Variants in GANC observed in about 807,000 individuals in gnomAD.
GANC encodes glucosidase alpha, neutral C.
Under a neutral mutation model 124.2 loss-of-function variants are expected in GANC, and 117 were observed. The ratio of observed to expected loss-of-function variants is 0.94; its 90% CI spans 0.81 to 1.10. GANC has a LOEUF of 1.10. GANC is among the 50% of genes least tolerant of loss of function. GANC has a pLI of 0.00. For missense variants in GANC, 1,140 were observed against 1,095.0 expected, an observed-to-expected ratio of 1.04 and a Z score of -0.58; for synonymous variants, 377 against 376.8, an observed-to-expected ratio of 1.00 and a Z score of -0.01.
At chr15:42,284,716 A>T (rs1472315647) in intron 3 of GANC, among the ~76,000 whole-genome samples, 1 of 152,208 alleles carries the variant, frequency 6.6e-6, no homozygotes, top group African/African-American at 2.4e-5. Flanking sequence ...GTCATGGCAC[A>T]CTGTAACCTC....
At chr15:42,348,761 C>T (rs2052391202) in intron 21 of GANC, among the ~76,000 whole-genome samples, 1 of 152,190 alleles carries the variant, frequency 6.6e-6, no homozygotes, top group Admixed American at 6.5e-5. Flanking sequence ...CAAACACCAA[C>T]CCTTACTCTT....
chr15:42,316,400 A>G (rs2052102690), intron 10 of GANC, among the ~76,000 whole-genome samples: 1 of 152,130 alleles, frequency 6.6e-6, no homozygotes, highest in South Asian at 2.1e-4. Context: ...AGGGTAAGGA[A>G]GGTGAGTCGT....
chr15:42,330,928 C>T (rs974595534), intron 15 of GANC, among the ~76,000 whole-genome samples: 5 of 152,076 alleles, frequency 3.3e-5, no homozygotes, highest in African/African-American at 7.2e-5. Flanking sequence ...GCTGGGATTA[C>T]GGGTGCACAC....
intron 10 of GANC, among the ~76,000 whole-genome samples, chr15:42,320,082 G>A (rs941045211): frequency 2.6e-5 from 4 of 152,170 alleles, no homozygotes; most frequent in African/African-American, 4.8e-5. Context: ...TACTCGGGAG[G>A]CTGAGGCAGG....
chr15:42,296,184 T>C (rs1184570606), intron 5 of GANC, among the ~76,000 whole-genome samples: 3 of 151,878 alleles, frequency 2.0e-5, no homozygotes, highest in Non-Finnish European at 4.4e-5. Context: ...GCTTAGAGTA[T>C]TGATCCCTTT....
Position 42,353,013 on chromosome 15 carries a change from A to C in GANC, c.*874A>C. The C allele has an allele frequency of 1.3e-6, 1 of 741,508 alleles. No individual in the cohort carries two copies. The highest frequency in any genetic ancestry group is 1.6e-6 in the Non-Finnish European group (1 of 607,060). The allele number at this position is 741,508 out of a possible 1,614,324, so 45.9% of individuals were successfully genotyped here. A position where few individuals can be genotyped will look rare whatever the true frequency, so the allele number is the denominator to read the frequency against. Reference sequence around the variant, plus strand: ...TCAATCCAATATTTTTAAAAATCAGAATTAATGCAAAAAAAACCATGATGA... The same window carrying C: ...TCAATCCAATATTTTTAAAAATCAGCATTAATGCAAAAAAAACCATGATGA... On this transcript the variant is annotated 3_prime_UTR_variant, in exon 24 of 24. Coordinates refer to ENST00000318010, the MANE Select transcript of GANC (RefSeq NM_198141.3).
chr15:42,340,559 G>A, intron 17 of GANC, 131 bp from the exon 18 acceptor site: 2 of 669,770 alleles, frequency 3.0e-6, no homozygotes, highest in Non-Finnish European at 4.9e-6. Flanking sequence ...AGCCAAGATA[G>A]CACCACGGCA....
chr15:42,275,350 G>GGAGGCAGAGC (rs1253345591), intron 1 of GANC, among the ~76,000 whole-genome samples: 6 of 152,136 alleles, frequency 3.9e-5, no homozygotes, highest in Non-Finnish European at 8.8e-5. Context: ...CTCCAACGTA[G>GGAGGCAGAGC]GAGGCAGAGC....
At chr15:42,312,051 A>T (rs527981449) in intron 10 of GANC, among the ~76,000 whole-genome samples, 1 of 152,348 alleles carries the variant, frequency 6.6e-6, no homozygotes, top group South Asian at 2.1e-4. Context: ...ATGGAAAGAC[A>T]TCCCATGTTC....
intron 20 of GANC, among the ~76,000 whole-genome samples, chr15:42,346,354 G>A (rs1046356403): frequency 1.3e-5 from 2 of 152,158 alleles, no homozygotes; most frequent in South Asian, 2.1e-4. Context: ...TGGGGCAGAG[G>A]AGGGTTAAGG....
At chr15:42,303,079 A>G (rs2141037358) in intron 6 of GANC, among the ~76,000 whole-genome samples, 1 of 152,292 alleles carries the variant, frequency 6.6e-6, no homozygotes, top group East Asian at 1.9e-4. Flanking sequence ...GAAATGAAGG[A>G]AAAAAATGTT....
intron 4 of GANC, among the ~76,000 whole-genome samples, chr15:42,290,838 G>A (rs1033757889): frequency 1.3e-5 from 2 of 152,030 alleles, no homozygotes; most frequent in African/African-American, 2.4e-5. Flanking sequence ...TTTAAAAATT[G>A]AATAACAATA....
At position 42,352,503 on chromosome 15, in the gene GANC, A is replaced by AG; in HGVS notation, c.*366dup. 9.5e-7 allele frequency: 1 copy of AG among 1,051,962 alleles called. No homozygotes were observed. Among genetic ancestry groups the AG allele is most frequent in the Non-Finnish European group, 1.2e-6 (1 of 868,902 alleles). The allele number at this position is 1,051,962 out of a possible 1,614,324, so 65.2% of individuals were successfully genotyped here. A position where few individuals can be genotyped will look rare whatever the true frequency, so the allele number is the denominator to read the frequency against. On this transcript the variant is annotated 3_prime_UTR_variant, in exon 24 of 24. Transcript: ENST00000318010. Reference sequence around the variant, plus strand: ...CAGCCCATTTGCCAGGGCTTGCCTCAGGCCATGCAGCATTGGCGCTCTGGC... The same window carrying AG: ...CAGCCCATTTGCCAGGGCTTGCCTCAGGGCCATGCAGCATTGGCGCTCTGGC...
Position 42,273,492 on chromosome 15 carries a change from G to T in GANC, c.-990G>T. On this transcript the variant is annotated 5_prime_UTR_variant, in exon 1 of 24. Transcript: ENST00000318010. ...TCTGCTCTAAGGGCGGGATTATCCGGGTCCTGGAAACGTCGCGGAGCTTGT... is the reference window on the plus strand; with the variant it reads ...TCTGCTCTAAGGGCGGGATTATCCGTGTCCTGGAAACGTCGCGGAGCTTGT... The T allele has an allele frequency of 1.9e-6, 3 of 1,556,448 alleles. No individual in the cohort carries two copies. The highest frequency in any genetic ancestry group is 2.6e-6 in the Non-Finnish European group (3 of 1,153,740).
chr15:42,295,244 G>A lies in GANC; in HGVS notation c.512+2327G>A, dbSNP rs528800611. 5.3e-5 allele frequency among the ~76,000 whole-genome samples: 8 copies of A among 152,224 alleles called. No individual in the cohort carries two copies. In the East Asian group the frequency reaches 5.8e-4, roughly 11 times the overall value. Reference sequence around the variant, plus strand: ...CCGCCTCAGCCTCCCAAAGTGCTGCGATTGCAGGCATGAGCGACCACGCCC... The same window carrying A: ...CCGCCTCAGCCTCCCAAAGTGCTGCAATTGCAGGCATGAGCGACCACGCCC... On this transcript the variant is annotated intron_variant, in intron 5 of 23. Transcript: ENST00000318010.
At chr15:42,333,038 A>ATATATAT (rs760603238) in intron 15 of GANC, among the ~76,000 whole-genome samples, 1 of 146,828 alleles carries the variant, frequency 6.8e-6, no homozygotes, top group Non-Finnish European at 1.5e-5. Flanking sequence ...ATATATATAT[A>ATATATAT]TTTTTTTTGG....
chr15:42,287,915 C>T, intron 4 of GANC, 97 bp downstream of exon 4: 2 of 1,193,964 alleles, frequency 1.7e-6, no homozygotes, highest in Non-Finnish European at 2.3e-6. Flanking sequence ...CTTATTTTGG[C>T]TGCTCAAAAC....
At chr15:42,351,770 A>G (rs2052441124) in intron 23 of GANC, among the ~76,000 whole-genome samples, 1 of 152,206 alleles carries the variant, frequency 6.6e-6, no homozygotes, top group Non-Finnish European at 1.5e-5. Context: ...GATGGGACTT[A>G]TATCCTTCCT....
chr15:42,294,574 CA>C (rs34588821), intron 5 of GANC, among the ~76,000 whole-genome samples: 22,758 of 118,978 alleles, frequency 0.19, 2,159 homozygotes, highest in African/African-American at 0.3. Context: ...GACTCTGTCT[CA>C]AAAAAAAAAA....
Sources: gnomAD v4.1 joint callset for allele counts (sites outside exome capture counted in the v4.1 genomes callset) on GRCh38, gnomAD v4.1.1 for gene constraint, MANE v1.5 for transcripts, NCBI Gene and HGNC (gene_info 2026-07-23, HGNC 2026-07-21) for gene names.